Variants in TM9SF4 observed in about 807,000 individuals in gnomAD.
TM9SF4 encodes the protein dinucleotide oxidase disulfide thiol exchanger 3 superfamily member 4.
TM9SF4 carries 26 observed loss-of-function variants against 90.4 expected under a neutral mutation model. That is an observed-to-expected ratio of 0.29 (90% CI 0.21 to 0.40). The LOEUF is 0.40. TM9SF4 is among the 10% of genes least tolerant of loss of function. The probability of loss-of-function intolerance (pLI) is 1.00; values close to 1 mark genes in which losing one functional copy is unlikely to be tolerated. For missense variants in TM9SF4, 549 were observed against 834.8 expected (o/e 0.66, Z 4.22); for synonymous variants, 293 against 315.4 (o/e 0.93, Z 0.75).
At chr20:32,123,866 A>ATATATATATATTTTTTTTTTTTTT in intron 1 of TM9SF4, among the ~76,000 whole-genome samples, 6 of 93,962 alleles carry the variant, frequency 6.4e-5, no homozygotes, top group African/African-American at 1.8e-4. Flanking sequence ...ATATATATAT[A>ATATATATATATTTTTTTTTTTTTT]TTTTTTTTTT....
chr20:32,158,657 G>A lies in TM9SF4; in HGVS notation c.1569+143G>A, dbSNP rs926516013. ...GAGCCCCATTCTTCACCCTGAAATT[G>A]GACAACAGCCTTCCCTCTCAGGGCA... On this transcript the variant is annotated intron_variant, in intron 15 of 17. Transcript: ENST00000398022. 3.4e-5 allele frequency: 28 copies of A among 828,200 alleles called. No individual in the cohort carries two copies. In the African/African-American group the frequency reaches 3.4e-4, roughly 10 times the overall value. The allele number at this position is 828,200 out of a possible 1,614,324, so 51.3% of individuals were successfully genotyped here.
At chr20:32,129,320 C>T (rs534299025) in intron 1 of TM9SF4, among the ~76,000 whole-genome samples, 85 of 152,038 alleles carry the variant, frequency 5.6e-4, no homozygotes, top group Middle Eastern at 3.4e-3. Context: ...TAGGGAGACA[C>T]TATATTTACA....
chr20:32,136,616 T>A (rs1156648901), intron 3 of TM9SF4, among the ~76,000 whole-genome samples: 1 of 152,208 alleles, frequency 6.6e-6, no homozygotes, highest in Non-Finnish European at 1.5e-5. Flanking sequence ...CCACAGTTCT[T>A]GCTGAGCTCT....
intron 1 of TM9SF4, among the ~76,000 whole-genome samples, chr20:32,131,800 A>T (rs2046518942): frequency 6.6e-6 from 1 of 152,148 alleles, no homozygotes; most frequent in Non-Finnish European, 1.5e-5. Context: ...TAAGGGAAAG[A>T]GATGCAATGG....
intron 1 of TM9SF4, among the ~76,000 whole-genome samples, chr20:32,117,627 A>T (rs1040951602): frequency 7.2e-6 from 1 of 139,690 alleles, no homozygotes; most frequent in African/African-American, 2.7e-5. Flanking sequence ...TGAGTGCCCA[A>T]CCCACCCCCG....
At chr20:32,150,979 A>G in intron 12 of TM9SF4, 104 bp downstream of exon 12, 1 of 1,379,810 alleles carries the variant, frequency 7.2e-7, no homozygotes, top group Non-Finnish European at 1.0e-6. Flanking sequence ...TTTGGGCCAG[A>G]AGCTGAGCAG....
At chr20:32,132,974 T>A in intron 1 of TM9SF4, 39 bp from the exon 2 acceptor site, 1 of 1,585,822 alleles carries the variant, frequency 6.3e-7, no homozygotes, top group South Asian at 1.1e-5. Flanking sequence ...CTTCTTCACT[T>A]CTTCTCCCCA....
At chr20:32,163,288 T>TATATATATA (rs1402188914) in intron 17 of TM9SF4, among the ~76,000 whole-genome samples, 2 of 107,510 alleles carry the variant, frequency 1.9e-5, no homozygotes, top group African/African-American at 7.6e-5. Flanking sequence ...TATATATATA[T>TATATATATA]ATATATATGT....
At position 32,143,074 on chromosome 20, in the gene TM9SF4, C is replaced by T. The variant is rs775400117; in HGVS notation, c.621C>T (p.Phe207=). The T allele has an allele frequency of 1.2e-5, 20 of 1,613,588 alleles. No homozygotes were observed. The highest frequency in any genetic ancestry group is 1.6e-4 in the Middle Eastern group (1 of 6,076). ...AGCACACGTACCGTGTCGTCCGCTT[C>T]GAGGTGATTCCCCAGAGCATCAGGC... ...DQEHTYRVVR[F]EVIPQSIRLE... Residue 207 remains phenylalanine, a synonymous_variant, in exon 6 of 18, where the codon TTC becomes TTT. Coordinates refer to ENST00000398022, the MANE Select transcript of TM9SF4 (RefSeq NM_014742.4).
chr20:32,141,256 A>ATGAGTGC (rs1257425289), intron 3 of TM9SF4, among the ~76,000 whole-genome samples: 7 of 143,984 alleles, frequency 4.9e-5, no homozygotes, highest in African/African-American at 1.8e-4. Flanking sequence ...GTGATGCTTG[A>ATGAGTGC]TGAGTGCTGA....
chr20:32,136,404 CCT>C (rs2046595034), intron 3 of TM9SF4, among the ~76,000 whole-genome samples: 1 of 152,184 alleles, frequency 6.6e-6, no homozygotes, highest in Admixed American at 6.5e-5. Flanking sequence ...GCAAAGGCAT[CCT>C]CTGTTTTCTT....
chr20:32,127,294 CGT>C lies in TM9SF4; in HGVS notation c.16-5718_16-5717del, dbSNP rs533413902. On this transcript the variant is annotated intron_variant, in intron 1 of 17. Coordinates refer to ENST00000398022, the MANE Select transcript of TM9SF4 (RefSeq NM_014742.4). ...TAGCTGCCATTGTTATGAACATCATCGTTACAGTCTCCTCATTTGTAATGCAA... is the reference window on the plus strand; with the variant it reads ...TAGCTGCCATTGTTATGAACATCATCTACAGTCTCCTCATTTGTAATGCAA... 2.0e-5 allele frequency among the ~76,000 whole-genome samples: 3 copies of C among 152,274 alleles called. No homozygotes were observed. The South Asian group carries it at 6.2e-4, about 32-fold the overall frequency.
At chr20:32,128,790 C>CTGTGTGTGTGTGTGTGTGTGTGTGTG in intron 1 of TM9SF4, among the ~76,000 whole-genome samples, 1 of 145,368 alleles carries the variant, frequency 6.9e-6, no homozygotes, top group East Asian at 2.0e-4. Context: ...GTATTCCATT[C>CTGTGTGTGTGTGTGTGTGTGTGTGTG]TGTGTGTGTG....
intron 1 of TM9SF4, among the ~76,000 whole-genome samples, chr20:32,121,282 G>A (rs1478414803): frequency 6.6e-6 from 1 of 150,414 alleles, no homozygotes; most frequent in Non-Finnish European, 1.5e-5. Flanking sequence ...GGACAATAGT[G>A]GAGGGAAGGT....
chr20:32,115,490 C>T (rs2046205013), intron 1 of TM9SF4, among the ~76,000 whole-genome samples: 1 of 152,172 alleles, frequency 6.6e-6, no homozygotes, highest in Non-Finnish European at 1.5e-5. Flanking sequence ...TAGAGTTTCC[C>T]AAATGGGGCA....
At chr20:32,129,597 A>ATT (rs34093111) in intron 1 of TM9SF4, among the ~76,000 whole-genome samples, 126 of 139,642 alleles carry the variant, frequency 9.0e-4, no homozygotes, top group East Asian at 2.7e-3. Flanking sequence ...TAAGTAGTGA[A>ATT]TTTTTTTTTT....
At chr20:32,165,177 G>GCC in intron 17 of TM9SF4, 118 bp from the exon 18 acceptor site, 1 of 1,386,994 alleles carries the variant, frequency 7.2e-7, no homozygotes, top group Non-Finnish European at 1.0e-6. Flanking sequence ...ACTGGAGCAC[G>GCC]CCCCTTCCCC....
intron 1 of TM9SF4, among the ~76,000 whole-genome samples, chr20:32,120,396 T>TG (rs544445434): frequency 9.8e-5 from 2 of 20,324 alleles, no homozygotes; most frequent in Non-Finnish European, 2.0e-4. Context: ...AAGTGGTGCG[T>TG]TTTTTTTTTT....
intron 1 of TM9SF4, among the ~76,000 whole-genome samples, chr20:32,131,690 A>G (rs568760295): frequency 6.6e-6 from 1 of 152,292 alleles, no homozygotes; most frequent in South Asian, 2.1e-4. Context: ...TGAGTTGGTG[A>G]TTTAGGCGTG....
Sources: gnomAD v4.1 joint callset for allele counts (sites outside exome capture counted in the v4.1 genomes callset) on GRCh38, gnomAD v4.1.1 for gene constraint, MANE v1.5 for transcripts, NCBI Gene and HGNC (gene_info 2026-07-23, HGNC 2026-07-21) for gene names.